The following PHF21A variants were observed in gnomAD, a reference collection of about 807,000 sequenced individuals.
The protein encoded by PHF21A is PHD finger protein 21A, also known as BHC80a.
Under a neutral mutation model 82.5 loss-of-function variants are expected in PHF21A, and 11 were observed. The ratio of observed to expected loss-of-function variants is 0.13; its 90% CI spans 0.08 to 0.22. PHF21A has a LOEUF of 0.22. PHF21A is among the 10% of genes least tolerant of loss of function. The pLI is 1.00. For synonymous variants in PHF21A, 297 were observed against 302.8 expected (o/e 0.98, Z 0.20); for missense variants, 579 against 837.8 (o/e 0.69, Z 3.81).
intron 1 of PHF21A, among the ~76,000 whole-genome samples, chr11:46,094,844 G>A (rs998467010): frequency 6.6e-6 from 1 of 152,174 alleles, no homozygotes; most frequent in Non-Finnish European, 1.5e-5. Flanking sequence ...AGACTGCAGT[G>A]AACTGAGATC....
intron 10 of PHF21A, among the ~76,000 whole-genome samples, chr11:45,958,903 G>A (rs1447795630): frequency 1.3e-5 from 2 of 152,086 alleles, no homozygotes. Flanking sequence ...GGGTAACACA[G>A]CAAGACCCTG....
At chr11:46,080,572 C>T (rs1426228492) in intron 4 of PHF21A, among the ~76,000 whole-genome samples, 1 of 152,220 alleles carries the variant, frequency 6.6e-6, no homozygotes, top group African/African-American at 2.4e-5. Flanking sequence ...AGGTCCCAAA[C>T]TACTATGTGT....
intron 6 of PHF21A, among the ~76,000 whole-genome samples, chr11:46,040,117 T>A (rs1294989963): frequency 6.6e-6 from 1 of 152,196 alleles, no homozygotes; most frequent in African/African-American, 2.4e-5. Flanking sequence ...TATAACAGGG[T>A]TACTAGATGT....
chr11:45,990,598 GC>G (rs2094660915), intron 6 of PHF21A, among the ~76,000 whole-genome samples: 1 of 151,932 alleles, frequency 6.6e-6, no homozygotes, highest in Non-Finnish European at 1.5e-5. Context: ...AAGTACTGAA[GC>G]TGTGATTCAT....
intron 15 of PHF21A, among the ~76,000 whole-genome samples, chr11:45,942,615 G>C (rs1021028885): frequency 1.3e-5 from 2 of 152,204 alleles, no homozygotes; most frequent in Non-Finnish European, 2.9e-5. Flanking sequence ...TGAATCTTTA[G>C]AGAATGATGA....
intron 5 of PHF21A, 80 bp from the exon 6 acceptor site, chr11:46,076,899 C>T (rs1322743667): frequency 6.3e-6 from 7 of 1,117,572 alleles, no homozygotes; most frequent in Admixed American, 1.7e-5. Flanking sequence ...ATGCATACTG[C>T]ATTACAAATG....
At chr11:46,052,922 T>C (rs1322254959) in intron 6 of PHF21A, among the ~76,000 whole-genome samples, 2 of 152,296 alleles carry the variant, frequency 1.3e-5, no homozygotes, top group Middle Eastern at 3.4e-3. Context: ...TGTGTGTGTG[T>C]GAGTGCCCAT....
intron 6 of PHF21A, among the ~76,000 whole-genome samples, chr11:46,066,892 TACAA>T (rs977792635): frequency 6.6e-6 from 1 of 152,202 alleles, no homozygotes; most frequent in African/African-American, 2.4e-5. Flanking sequence ...AATGCATAAA[TACAA>T]ACACAGTTTT....
chr11:46,073,547 A>G (rs1429351595), intron 6 of PHF21A, among the ~76,000 whole-genome samples: 1 of 152,216 alleles, frequency 6.6e-6, no homozygotes, highest in African/African-American at 2.4e-5. Flanking sequence ...AAGAGTATAC[A>G]GAAAAAATAA....
intron 6 of PHF21A, among the ~76,000 whole-genome samples, chr11:46,066,796 G>A (rs1256877775): frequency 6.6e-6 from 1 of 152,152 alleles, no homozygotes; most frequent in Non-Finnish European, 1.5e-5. Context: ...TCACTTCTTA[G>A]AGGCAATCAC....
At chr11:46,056,683 C>A (rs1472865926) in intron 6 of PHF21A, among the ~76,000 whole-genome samples, 23 of 152,080 alleles carry the variant, frequency 1.5e-4, no homozygotes, top group Non-Finnish European at 1.5e-5. Flanking sequence ...ATGGCTCTCC[C>A]AATCAATGAA....
chr11:45,961,826 C>CTT (rs1449585019), intron 10 of PHF21A, among the ~76,000 whole-genome samples: 1 of 152,182 alleles, frequency 6.6e-6, no homozygotes, highest in Non-Finnish European at 1.5e-5. Flanking sequence ...AAGGCTATAT[C>CTT]GTAAGTCTTC....
chr11:46,042,077 C>CAGA (rs1179029569), intron 6 of PHF21A, among the ~76,000 whole-genome samples: 1 of 152,066 alleles, frequency 6.6e-6, no homozygotes, highest in Non-Finnish European at 1.5e-5. Context: ...GGAACACAAC[C>CAGA]ATTGTCTATA....
chr11:46,048,585 C>T (rs542848284), intron 6 of PHF21A, among the ~76,000 whole-genome samples: 19 of 151,952 alleles, frequency 1.3e-4, no homozygotes, highest in Non-Finnish European at 2.1e-4. Context: ...GCCTGGCCAA[C>T]ATGGTGAAAC....
intron 15 of PHF21A, among the ~76,000 whole-genome samples, chr11:45,942,062 T>C (rs1414554203): frequency 1.3e-5 from 2 of 152,196 alleles, no homozygotes; most frequent in Non-Finnish European, 2.9e-5. Context: ...GCAGCAAACA[T>C]ACAGAGACCT....
chr11:46,047,716 C>T (rs1359048271), intron 6 of PHF21A, among the ~76,000 whole-genome samples: 1 of 152,150 alleles, frequency 6.6e-6, no homozygotes, highest in African/African-American at 2.4e-5. Context: ...ACTTGCTCTA[C>T]CATTTCTTGG....
intron 7 of PHF21A, among the ~76,000 whole-genome samples, chr11:45,974,446 AT>A (rs1208810676): frequency 6.7e-6 from 1 of 149,548 alleles, no homozygotes; most frequent in Non-Finnish European, 1.5e-5. Flanking sequence ...TATTATTATT[AT>A]TATTATTGCT....
intron 6 of PHF21A, among the ~76,000 whole-genome samples, chr11:46,074,508 A>G (rs1429164292): frequency 1.3e-5 from 2 of 151,464 alleles, no homozygotes; most frequent in African/African-American, 2.4e-5. Flanking sequence ...AAATAAAACT[A>G]TTTTATTTTT....
intron 1 of PHF21A, among the ~76,000 whole-genome samples, chr11:46,117,542 T>C (rs568425169): frequency 5.9e-5 from 9 of 152,348 alleles, no homozygotes; most frequent in African/African-American, 2.2e-4. Flanking sequence ...ATTAGAATCA[T>C]AGTCTGTAAA....
Sources: gnomAD v4.1 joint callset for allele counts (sites outside exome capture counted in the v4.1 genomes callset) on GRCh38, gnomAD v4.1.1 for gene constraint, MANE v1.5 for transcripts, NCBI Gene and HGNC (gene_info 2026-07-23, HGNC 2026-07-21) for gene names.